CTBP2: variants seen among roughly 807,000 people sequenced by gnomAD.
The protein encoded by CTBP2 is C-terminal-binding protein 2.
Under a neutral mutation model 80.3 loss-of-function variants are expected in CTBP2, and 30 were observed. The observed-to-expected ratio is 0.37, with a 90% confidence interval of 0.28 to 0.51. The LOEUF (loss-of-function observed/expected upper bound fraction) is 0.51, where lower values mean the gene tolerates loss of function less well. Among genes scored for constraint, CTBP2 ranks in the 20% least tolerant of loss-of-function variants. CTBP2 has a pLI of 0.93. For missense variants in CTBP2, 1,212 were observed against 1,375.3 expected (o/e 0.88, Z 1.88); for synonymous variants, 594 against 587.4 (o/e 1.01, Z -0.16).
intron 2 of CTBP2, among the ~76,000 whole-genome samples, chr10:125,080,208 C>T (rs1189188404): frequency 2.0e-5 from 3 of 152,094 alleles, no homozygotes; most frequent in Non-Finnish European, 4.4e-5. Flanking sequence ...ATAAATCATG[C>T]TTCCATATAA....
At chr10:125,064,847 T>C (rs1822983807) in intron 2 of CTBP2, among the ~76,000 whole-genome samples, 1 of 152,184 alleles carries the variant, frequency 6.6e-6, no homozygotes, top group Admixed American at 6.5e-5. Flanking sequence ...ATGAAACCTT[T>C]CTGGTTTGGT....
At chr10:125,041,504 A>ACCCCCCCC (rs10559259) in intron 2 of CTBP2, among the ~76,000 whole-genome samples, 14 of 91,192 alleles carry the variant, frequency 1.5e-4, no homozygotes, top group Admixed American at 2.4e-4. Flanking sequence ...GTCCATCCCC[A>ACCCCCCCC]CCCCCCCCCC....
At chr10:125,021,984 C>G (rs889158897) in intron 1 of CTBP2, among the ~76,000 whole-genome samples, 1 of 152,248 alleles carries the variant, frequency 6.6e-6, no homozygotes, top group Non-Finnish European at 1.5e-5. Flanking sequence ...CTCCACAATG[C>G]TGGAATGTTT....
intron 2 of CTBP2, among the ~76,000 whole-genome samples, chr10:125,056,326 T>C (rs1277032512): frequency 6.6e-6 from 1 of 152,212 alleles, no homozygotes; most frequent in Admixed American, 6.5e-5. Context: ...GCAATTCCAT[T>C]CTGCTGGGCT....
At chr10:125,010,143 G>A (rs1204653336) in intron 1 of CTBP2, among the ~76,000 whole-genome samples, 2 of 151,520 alleles carry the variant, frequency 1.3e-5, no homozygotes, top group Non-Finnish European at 2.9e-5. Context: ...GCTGATGAGC[G>A]GGTGGCTCCG....
chr10:125,153,625 G>C (rs1860403295), intron 1 of CTBP2, among the ~76,000 whole-genome samples: 1 of 152,000 alleles, frequency 6.6e-6, no homozygotes, highest in South Asian at 2.1e-4. Context: ...CCTGCGGCAG[G>C]TACAATACTA....
upstream of CTBP2, among the ~76,000 whole-genome samples, chr10:125,029,912 C>A (rs1252892922): frequency 1.3e-5 from 2 of 152,116 alleles, no homozygotes; most frequent in Non-Finnish European, 2.9e-5. Context: ...GGGGTGATCG[C>A]AGGAGCAGGG....
upstream of CTBP2, among the ~76,000 whole-genome samples, chr10:125,030,145 ACC>A (rs1491131979): frequency 1.8e-4 from 5 of 27,624 alleles, no homozygotes; most frequent in Non-Finnish European, 2.2e-4. Context: ...TTACACAAAC[ACC>A]ACACACACAC....
chr10:125,034,902 G>C (rs1000426823), intron 3 of CTBP2, among the ~76,000 whole-genome samples: 3 of 152,180 alleles, frequency 2.0e-5, no homozygotes, highest in African/African-American at 7.2e-5. Flanking sequence ...CAGGCAAGGA[G>C]GCTGCTGGAA....
intron 1 of CTBP2, among the ~76,000 whole-genome samples, chr10:125,127,078 T>C (rs1182077588): frequency 2.6e-5 from 4 of 152,176 alleles, no homozygotes; most frequent in Non-Finnish European, 5.9e-5. Flanking sequence ...CAGCCGAGTG[T>C]TACACGAAGT....
chr10:125,125,945 G>A (rs1855164968), intron 1 of CTBP2, among the ~76,000 whole-genome samples: 1 of 152,206 alleles, frequency 6.6e-6, no homozygotes, highest in Non-Finnish European at 1.5e-5. Flanking sequence ...TAAGAACATC[G>A]GAAGAAGTGT....
intron 2 of CTBP2, among the ~76,000 whole-genome samples, chr10:125,098,132 G>T (rs12777451): frequency 2.6e-5 from 4 of 152,086 alleles, no homozygotes; most frequent in East Asian, 3.9e-4. Context: ...AAAACCAAAC[G>T]AACAAAAAAT....
intron 1 of CTBP2, among the ~76,000 whole-genome samples, chr10:125,132,040 G>T (rs1856272720): frequency 6.6e-6 from 1 of 152,258 alleles, no homozygotes; most frequent in South Asian, 2.1e-4. Flanking sequence ...AGCACTCTGG[G>T]TCTCTGAACA....
chr10:125,077,704 G>T (rs1218387967), intron 2 of CTBP2, among the ~76,000 whole-genome samples: 2 of 152,164 alleles, frequency 1.3e-5, no homozygotes, highest in Non-Finnish European at 2.9e-5. Context: ...GTCAGCTGAA[G>T]AAATCACCCA....
At chr10:125,092,741 C>A (rs1198652432) in intron 2 of CTBP2, among the ~76,000 whole-genome samples, 1 of 152,166 alleles carries the variant, frequency 6.6e-6, no homozygotes, top group African/African-American at 2.4e-5. Flanking sequence ...CTGGATAAGC[C>A]CATGTTGGGC....
chr10:125,013,738 A>ACTCAAACTCAGGT (rs1187888634), intron 1 of CTBP2, among the ~76,000 whole-genome samples: 3 of 152,044 alleles, frequency 2.0e-5, no homozygotes, highest in Admixed American at 2.0e-4. Flanking sequence ...TGGAGTCAGG[A>ACTCAAACTCAGGT]CTCAAACTCA....
chr10:125,004,125 G>A (rs1228541364), intron 1 of CTBP2, among the ~76,000 whole-genome samples: 2 of 152,232 alleles, frequency 1.3e-5, no homozygotes, highest in Non-Finnish European at 2.9e-5. Flanking sequence ...TGCCAACAAG[G>A]TGAAGGGACA....
Position 124,984,945 on chromosome 10 carries a change from A to ACAT in CTBP2, c.*4570_*4572dup. Reference sequence around the variant, plus strand: ...CCGCTACCGACAGATCCGGCCGTGTACATCCCTGTCTGATGGAGAGGAAGA... The same window carrying ACAT: ...CCGCTACCGACAGATCCGGCCGTGTACATCATCCCTGTCTGATGGAGAGGAAGA... On this transcript the variant is annotated 3_prime_UTR_variant, in exon 9 of 9. Coordinates refer to ENST00000309035, the MANE Select transcript of CTBP2 (RefSeq NM_022802.3). 6.2e-7 allele frequency: 1 copy of ACAT among 1,614,014 alleles called. No individual in the cohort carries two copies. The highest frequency in any genetic ancestry group is 1.1e-5 in the South Asian group (1 of 91,066).
At chr10:125,159,118 G>A (rs1055132069) in intron 1 of CTBP2, among the ~76,000 whole-genome samples, 3 of 150,600 alleles carry the variant, frequency 2.0e-5, no homozygotes, top group African/African-American at 2.4e-5. Context: ...GGGAGAGAAA[G>A]AAAGGCGCTT....
Sources: allele counts gnomAD v4.1 joint callset (sites outside exome capture counted in the v4.1 genomes callset), GRCh38; gene constraint gnomAD v4.1.1; transcripts MANE v1.5; gene names NCBI Gene and HGNC (gene_info 2026-07-23, HGNC 2026-07-21).